The following BICD2 variants were observed in gnomAD, a reference collection of about 807,000 sequenced individuals.
BICD2 encodes the protein BICD cargo adaptor 2.
Under a neutral mutation model 72.9 loss-of-function variants are expected in BICD2, and 25 were observed. The observed-to-expected ratio is 0.34, with a 90% CI of 0.25 to 0.48. The LOEUF is 0.48. BICD2 is among the 20% of genes least tolerant of loss of function. The pLI is 0.99. For missense variants in BICD2, 894 were observed against 1,175.2 expected (o/e 0.76, Z 3.50); for synonymous variants, 501 against 516.1 (o/e 0.97, Z 0.40).
chr9:92,718,417 G>T, intron 5 of BICD2, 122 bp downstream of exon 5: 1 of 1,197,348 alleles, frequency 8.4e-7, no homozygotes, highest in African/African-American at 1.5e-5. Context: ...TATGGGGCTG[G>T]CTCTGTCTGG....
At position 92,719,383 on chromosome 9, in the gene BICD2, T is replaced by A; in HGVS notation, c.1262A>T (p.Asp421Val). The A allele has an allele frequency of 6.2e-7, 1 of 1,614,172 alleles. No homozygotes were observed. The highest frequency in any genetic ancestry group is 1.1e-5 in the South Asian group (1 of 91,080). Residue 421 changes from aspartate to valine, a missense_variant, in exon 5 of 7, where the codon GAT becomes GTT. This residue lies in a region of BICD2 where 371 missense variants were observed against 439.1 expected (regional missense o/e 0.84). Transcript: ENST00000356884. ...GATGTCCACCTCGTAGTAGTCCCCATCCTCATGGCTGTCACGGTCCTTCTC... is the reference window on the plus strand; with the variant it reads ...GATGTCCACCTCGTAGTAGTCCCCAACCTCATGGCTGTCACGGTCCTTCTC... Reference protein sequence around the residue: ...DNEKDRDSHEDGDYYEVDING... With the variant: ...DNEKDRDSHEVGDYYEVDING...
Position 92,713,227 on chromosome 9 carries a change from C to CAGAG in BICD2, c.*1923_*1926dup. Reference sequence around the variant, plus strand: ...AGGGAAGAAGGGTCTTCGGCCCATACAGAGGCCTTTCCACGCAGCAGCTCG... The same window carrying CAGAG: ...AGGGAAGAAGGGTCTTCGGCCCATACAGAGAGAGGCCTTTCCACGCAGCAGCTCG... On this transcript the variant is annotated 3_prime_UTR_variant, in exon 7 of 7. Transcript: ENST00000356884. The CAGAG allele has an allele frequency of 1.7e-6, 1 of 584,942 alleles. No homozygotes were observed. The highest frequency in any genetic ancestry group is 2.2e-5 in the South Asian group (1 of 45,206). The allele number at this position is 584,942 out of a possible 1,614,324, so 36.2% of individuals were successfully genotyped here.
At chr9:92,738,011 C>T (rs1241849204) in intron 1 of BICD2, among the ~76,000 whole-genome samples, 2 of 152,246 alleles carry the variant, frequency 1.3e-5, no homozygotes, top group Admixed American at 1.3e-4. Context: ...CCGAGGTGCC[C>T]CACTGTGCAA....
intron 6 of BICD2, among the ~76,000 whole-genome samples, chr9:92,715,692 G>A (rs1237497801): frequency 6.6e-6 from 1 of 152,232 alleles, no homozygotes; most frequent in Non-Finnish European, 1.5e-5. Context: ...TTGGGCCCAG[G>A]CAGGGCAGCC....
intron 6 of BICD2, among the ~76,000 whole-genome samples, chr9:92,716,993 C>T (rs553494388): frequency 3.9e-5 from 6 of 152,344 alleles, no homozygotes; most frequent in Non-Finnish European, 7.3e-5. Context: ...GTCACAATGA[C>T]GCAGAGGTAC....
rs1051176702 is a variant in BICD2, at chr9:92,720,419, T to C, written c.943A>G (p.Asn315Asp). Reference protein sequence around the residue: ...HGGLAKLPLDNKTSTPKKEGL... With the variant: ...HGGLAKLPLDDKTSTPKKEGL... Reference sequence around the variant, plus strand: ...TCCTTCTTGGGCGTGGAGGTCTTGTTGTCCAGTGGCAGCTTGGCCAGGCCG... The same window carrying C: ...TCCTTCTTGGGCGTGGAGGTCTTGTCGTCCAGTGGCAGCTTGGCCAGGCCG... The change falls in exon 4 of 7, where the codon AAC becomes GAC. Residue 315 changes from asparagine (N) to aspartate (D), a missense_variant. Coordinates refer to ENST00000356884, the MANE Select transcript of BICD2 (RefSeq NM_001003800.2). This position sits in a 1 kb window ranked among gnomAD's most constrained non-coding sequence, Gnocchi z 5.4. 1.2e-6 allele frequency: 2 copies of C among 1,614,058 alleles called. No individual in the cohort carries two copies. The highest frequency in any genetic ancestry group is 2.7e-5 in the African/African-American group (2 of 74,920).
chr9:92,738,669 C>T (rs1301073802), intron 1 of BICD2, among the ~76,000 whole-genome samples: 1 of 152,220 alleles, frequency 6.6e-6, no homozygotes, highest in Non-Finnish European at 1.5e-5. Flanking sequence ...CCCCACTTGC[C>T]GACCTTCCAC....
rs201997144 is a variant in BICD2, at chr9:92,719,297, G to A, written c.1348C>T (p.Arg450Cys). Residue 450 changes from arginine (R) to cysteine (C), a missense_variant, in exon 5 of 7, where the codon CGC becomes TGC. By Grantham distance (180) the Arg-to-Cys change is radical. This residue lies in a region of BICD2 where 371 missense variants were observed against 439.1 expected (regional missense o/e 0.84). Transcript: ENST00000356884. ...HVAVAEAGEL[R>C]EQLKALRSTH... ...CTGCGCAGTGCCTTGAGCTGCTCGC[G>A]GAGCTCGCCAGCCTCAGCCACAGCC... 389 of 1,613,814 alleles carry A rather than the reference G, an allele frequency of 2.4e-4. 1 individual carries two copies. The highest frequency in any genetic ancestry group is 3.3e-4 in the Middle Eastern group (2 of 6,084).
At chr9:92,745,504 C>T (rs1265123127) in intron 1 of BICD2, among the ~76,000 whole-genome samples, 2 of 152,072 alleles carry the variant, frequency 1.3e-5, no homozygotes, top group Non-Finnish European at 2.9e-5. Flanking sequence ...GATGATCCCT[C>T]TCCACCCCCA....
At chr9:92,715,494 G>T (rs544927575) in intron 6 of BICD2, 31 bp from the exon 7 acceptor site, 2 of 1,553,216 alleles carry the variant, frequency 1.3e-6, no homozygotes, top group Admixed American at 1.8e-5. Flanking sequence ...ACTGAGGGGC[G>T]GGCAGAGCCG....
chr9:92,727,548 T>TTCCCAA (rs1458784804), intron 2 of BICD2, among the ~76,000 whole-genome samples: 1 of 152,168 alleles, frequency 6.6e-6, no homozygotes, highest in African/African-American at 2.4e-5. Context: ...CCTCCAGCCA[T>TTCCCAA]TCCCAATGAG....
rs1587669969 is a variant in BICD2, at chr9:92,720,242, G to A, written c.1062+58C>T. 1.1e-5 allele frequency: 16 copies of A among 1,502,372 alleles called. No homozygotes were observed. The East Asian group carries it at 3.6e-4, about 34-fold the overall frequency. The allele number at this position is 1,502,372 out of a possible 1,614,324, so 93.1% of individuals were successfully genotyped here. A position where few individuals can be genotyped will look rare whatever the true frequency, so the allele number is the denominator to read the frequency against. ...CAGAGTGTCAGGTAAGCACTGCTCGGGGAGCCCTGCAGACCTGGAGTGGGG... is the reference window on the plus strand; with the variant it reads ...CAGAGTGTCAGGTAAGCACTGCTCGAGGAGCCCTGCAGACCTGGAGTGGGG... On this transcript the variant is annotated intron_variant, in intron 4 of 6. Transcript: ENST00000356884. The surrounding 1 kb of genome is among the most constrained non-coding windows in gnomAD (Gnocchi z 5.4).
At chr9:92,747,608 C>T (rs1295102033) in intron 1 of BICD2, among the ~76,000 whole-genome samples, 2 of 152,206 alleles carry the variant, frequency 1.3e-5, no homozygotes, top group East Asian at 1.9e-4. Context: ...ACCCTCACTT[C>T]AGCCAGCACC....
chr9:92,719,579 C>A lies in BICD2; in HGVS notation c.1066G>T (p.Glu356Ter). Reference protein sequence around the residue: ...QKLKQQLMQMEREKAGLLATL... With the variant: ...QKLKQQLMQM ...GCCAGCAGGCCCGCCTTTTCCCGCTCCATCTGCAAAGGCACAGGCAGCAGG... is the reference window on the plus strand; with the variant it reads ...GCCAGCAGGCCCGCCTTTTCCCGCTACATCTGCAAAGGCACAGGCAGCAGG... Residue 356 changes from glutamate (E) to a stop codon, truncating the protein, a stop_gained, in exon 5 of 7, where the codon GAG (glutamate) becomes TAG (stop). Transcript: ENST00000356884. LOFTEE classifies it high-confidence loss of function. 1 of 1,600,090 alleles carries A rather than the reference C, an allele frequency of 6.2e-7. No individual in the cohort carries two copies. Among genetic ancestry groups the A allele is most frequent in the Non-Finnish European group, 8.5e-7 (1 of 1,175,060 alleles).
intron 1 of BICD2, among the ~76,000 whole-genome samples, chr9:92,749,506 C>T (rs1000791138): frequency 1.3e-5 from 2 of 152,246 alleles, no homozygotes; most frequent in Non-Finnish European, 2.9e-5. Flanking sequence ...GGCCCCTCCT[C>T]TGTGAGGCCC....
chr9:92,760,203 C>G (rs1854343386), intron 1 of BICD2, among the ~76,000 whole-genome samples: 3 of 152,148 alleles, frequency 2.0e-5, no homozygotes, highest in Admixed American at 1.3e-4. Context: ...GCCAGGCACC[C>G]CCAGGGGCCC....
chr9:92,736,638 C>T (rs117194346), intron 1 of BICD2, among the ~76,000 whole-genome samples: 6,046 of 152,312 alleles, frequency 0.04, 183 homozygotes, highest in South Asian at 0.11. Context: ...AACTTGCTTT[C>T]GCTTTACTCT....
chr9:92,734,803 A>C (rs1314995780), intron 1 of BICD2, among the ~76,000 whole-genome samples: 5 of 152,182 alleles, frequency 3.3e-5, no homozygotes, highest in African/African-American at 1.2e-4. Flanking sequence ...GCCCACCCAC[A>C]GGAGGGCTCT....
At chr9:92,739,545 T>C (rs1238016615) in intron 1 of BICD2, among the ~76,000 whole-genome samples, 2 of 152,198 alleles carry the variant, frequency 1.3e-5, no homozygotes, top group Admixed American at 6.5e-5. Context: ...AAGTTCACAC[T>C]TGGCAGGCAG....
Sources: allele counts gnomAD v4.1 joint callset (sites outside exome capture counted in the v4.1 genomes callset), GRCh38; gene constraint gnomAD v4.1.1; regional missense constraint gnomAD v4.1.1; non-coding constraint Gnocchi (gnomAD v3.1); transcripts MANE v1.5; gene names NCBI Gene and HGNC (gene_info 2026-07-23, HGNC 2026-07-21).